Variants in MEGF6 observed in about 807,000 individuals in gnomAD.
The protein encoded by MEGF6 is multiple EGF like domains 6.
A neutral mutation model predicts 207.1 loss-of-function variants in MEGF6; 184 were observed. The observed-to-expected ratio is 0.89, with a 90% CI of 0.79 to 1.00. The LOEUF is 1.00. Ranked by LOEUF, MEGF6 falls within the 50% of genes least tolerant of loss-of-function variation. The pLI is 0.00. For missense variants in MEGF6, 2,282 were observed against 2,202.9 expected, an observed-to-expected ratio of 1.04 and a Z score of -0.72; for synonymous variants, 1,038 against 910.0, an observed-to-expected ratio of 1.14 and a Z score of -2.53.
At chr1:3,617,186 G>T in the MEGF6 span, among the ~76,000 whole-genome samples, 1 of 112,104 alleles carries the variant, frequency 8.9e-6, no homozygotes, top group African/African-American at 3.4e-5. Context: ...CCAACCTCGG[G>T]GGCAGCATCA....
chr1:3,511,968 C>A (rs767481751), intron 8 of MEGF6, 38 bp downstream of exon 8: 1 of 1,610,998 alleles, frequency 6.2e-7, no homozygotes, highest in Non-Finnish European at 8.5e-7. Context: ...GCATGGCCAT[C>A]CCGGGCACCT....
In MEGF6 at chr1:3,499,260, G is replaced by C; in HGVS notation, c.2972C>G (p.Pro991Arg). 6 of 1,604,404 alleles carry C rather than the reference G, an allele frequency of 3.7e-6. No homozygotes were observed. Among genetic ancestry groups the C allele is most frequent in the Non-Finnish European group, 5.1e-6 (6 of 1,176,608 alleles). ...RRGPRCAETC[P>R]AHTYGHNCSQ... ...GCAATTGTGCCCGTAGGTGTGGGCT[G>C]GGCAGGCTGCAGGTGGAGAGGGCTG... The change falls in exon 24 of 37, where the codon CCA (proline) becomes CGA (arginine). Residue 991 changes from proline to arginine, a missense_variant. Transcript: ENST00000356575.
rs74050544 is a variant in MEGF6 at position 3,489,646 on chromosome 1, G to A, written c.*882C>T. On this transcript the variant is annotated 3_prime_UTR_variant, in exon 37 of 37. Transcript: ENST00000356575. ...CCCAAGGGAGTTCGGCCTCAGTCCA[G>A]GTTGCCCCTCCACACCAGCCCTCCT... Among the ~76,000 whole-genome samples the A allele has an allele frequency of 0.043, 6,572 of 152,280 alleles. 495 individuals are homozygous for A. Among genetic ancestry groups the A allele is most frequent in the African/African-American group, 0.15 (6,251 of 41,536 alleles).
rs12748220 is a variant in MEGF6, at chr1:3,556,639, G to C, written c.481+23186C>G. Among the ~76,000 whole-genome samples the C allele has an allele frequency of 9.2e-3, 1,394 of 152,256 alleles. 14 individuals are homozygous for C. The highest frequency in any genetic ancestry group is 0.014 in the Middle Eastern group (4 of 294). On this transcript the variant is annotated intron_variant, in intron 4 of 36. Coordinates refer to ENST00000356575, the MANE Select transcript of MEGF6 (RefSeq NM_001409.4). This position sits in a 1 kb window ranked among gnomAD's most constrained non-coding sequence, Gnocchi z 4.4. ...CCTGAGGCCGGGACACACTGGAGACGAATAGGACTGACCACCAAGCAGACT... is the reference window on the plus strand; with the variant it reads ...CCTGAGGCCGGGACACACTGGAGACCAATAGGACTGACCACCAAGCAGACT...
intron 4 of MEGF6, among the ~76,000 whole-genome samples, chr1:3,531,765 C>T (rs572269598): frequency 2.6e-5 from 4 of 151,572 alleles, no homozygotes; most frequent in South Asian, 4.2e-4. Context: ...GGAGCCAACA[C>T]GGAAAAGAAG....
chr1:3,603,735 C>T (rs754737090), intron 1 of MEGF6, among the ~76,000 whole-genome samples: 3 of 152,098 alleles, frequency 2.0e-5, no homozygotes, highest in East Asian at 1.9e-4. Context: ...TACCGCCCTC[C>T]GCCCAGGCCT....
rs1191608832 is a variant in MEGF6, at chr1:3,510,916, G to A, written c.1115-14C>T. Reference sequence around the variant, plus strand: ...AGTCGTCGACATCTGTGGAGCACACGCCACGGGCCCCCTGGTACCAGGCAC... The same window carrying A: ...AGTCGTCGACATCTGTGGAGCACACACCACGGGCCCCCTGGTACCAGGCAC... On this transcript the variant is annotated splice_polypyrimidine_tract_variant and intron_variant, in intron 9 of 36. Transcript: ENST00000356575. 1.6e-5 allele frequency: 25 copies of A among 1,591,742 alleles called. No homozygotes were observed. Among genetic ancestry groups the A allele is most frequent in the Middle Eastern group, 1.7e-4 (1 of 6,010 alleles).
At chr1:3,532,341 C>T (rs539812287) in intron 4 of MEGF6, among the ~76,000 whole-genome samples, 9 of 152,344 alleles carry the variant, frequency 5.9e-5, no homozygotes, top group Admixed American at 5.9e-4. Flanking sequence ...CCTTCTCGCA[C>T]CTATCCTTGG....
intron 4 of MEGF6, among the ~76,000 whole-genome samples, chr1:3,544,232 C>T (rs1212337527): frequency 6.6e-6 from 1 of 150,862 alleles, no homozygotes; most frequent in East Asian, 1.9e-4. Context: ...CTAACCCTCT[C>T]CCCCCAGCAT....
chr1:3,549,351 GC>G (rs1642814337), intron 4 of MEGF6, among the ~76,000 whole-genome samples: 1 of 152,196 alleles, frequency 6.6e-6, no homozygotes, highest in Non-Finnish European at 1.5e-5. Context: ...GCAGACTGAT[GC>G]CCCATGGCCA....
intron 10 of MEGF6, among the ~76,000 whole-genome samples, 161 bp from the exon 11 acceptor site, chr1:3,510,153 A>C (rs2821003): frequency 0.2 from 31,133 of 152,120 alleles, 3,702 homozygotes; most frequent in African/African-American, 0.32. Context: ...TCAGCCACAG[A>C]GGCCACTCTG....
chr1:3,493,535 G>A (rs533600906), intron 34 of MEGF6: 19 of 585,516 alleles, frequency 3.2e-5, no homozygotes, highest in East Asian at 6.0e-5. Context: ...TTCCTGGGAC[G>A]TTGTGGGGGC....
chr1:3,521,307 G>T (rs1185812683), intron 5 of MEGF6, among the ~76,000 whole-genome samples: 1 of 152,162 alleles, frequency 6.6e-6, no homozygotes, highest in Non-Finnish European at 1.5e-5. Flanking sequence ...TAAGGCAGTG[G>T]AGGGCGAAGG....
intron 4 of MEGF6, among the ~76,000 whole-genome samples, chr1:3,576,165 C>A (rs1338182502): frequency 6.6e-6 from 1 of 152,266 alleles, no homozygotes; most frequent in Non-Finnish European, 1.5e-5. Context: ...CACTGCAGGG[C>A]CTGCCCAGCG....
At chr1:3,500,555 T>TTC in intron 21 of MEGF6, 78 bp downstream of exon 21, 1 of 1,469,918 alleles carries the variant, frequency 6.8e-7, no homozygotes, top group Non-Finnish European at 9.0e-7. Flanking sequence ...GTCAAAGGCT[T>TTC]TGTGTGTGTG....
intron 35 of MEGF6, among the ~76,000 whole-genome samples, chr1:3,491,594 C>T (rs1640367372): frequency 6.6e-6 from 1 of 152,092 alleles, no homozygotes; most frequent in Non-Finnish European, 1.5e-5. Flanking sequence ...ATTTGGGGGC[C>T]TCCAAGCGGA....
chr1:3,514,782 T>C (rs1641480381), intron 6 of MEGF6, 110 bp from the exon 7 acceptor site: 12 of 1,265,298 alleles, frequency 9.5e-6, no homozygotes, highest in Non-Finnish European at 1.3e-5. Flanking sequence ...CTCCCCACTC[T>C]GTGCTCCAGG....
Position 3,513,656 on chromosome 1 carries a change from T to TC in MEGF6, c.853+893dup, listed in dbSNP as rs1329482886. Among the ~76,000 whole-genome samples, 5 of 140,710 alleles carry TC rather than the reference T, an allele frequency of 3.6e-5. No homozygotes were observed. The East Asian group carries it at 1.1e-3, about 32-fold the overall frequency. The allele number at this position is 140,710 out of a possible 152,430, so 92.3% of individuals were successfully genotyped here. ...CCCAGGCTGGAGTGCAGTGGTGTGA[T>TC]CATAGCTCACTGCAGCCTTGACCTC... On this transcript the variant is annotated intron_variant, in intron 7 of 36. Coordinates refer to ENST00000356575, the MANE Select transcript of MEGF6 (RefSeq NM_001409.4).
At chr1:3,601,953 C>G (rs1054538725) in intron 2 of MEGF6, among the ~76,000 whole-genome samples, 10 of 152,230 alleles carry the variant, frequency 6.6e-5, no homozygotes, top group African/African-American at 2.4e-4. Flanking sequence ...CCACCTGACA[C>G]GGGGGCTGCC....
Sources: allele counts gnomAD v4.1 joint callset (sites outside exome capture counted in the v4.1 genomes callset), GRCh38; gene constraint gnomAD v4.1.1; non-coding constraint Gnocchi (gnomAD v3.1); transcripts MANE v1.5; gene names NCBI Gene and HGNC (gene_info 2026-07-23, HGNC 2026-07-21).